ZNF28: variants seen among roughly 807,000 people sequenced by gnomAD.
The protein encoded by ZNF28 is zinc finger protein 28, also known as zinc finger protein KOX24.
ZNF28 carries 5 observed loss-of-function variants against 7.2 expected under a neutral mutation model. The ratio of observed to expected loss-of-function variants is 0.70; its 90% CI spans 0.36 to 1.46. ZNF28 has a LOEUF of 1.46. Among genes scored for constraint, ZNF28 ranks in the 40% most tolerant of loss-of-function variants. The pLI is 0.03. For missense variants in ZNF28, 879 were observed against 866.6 expected (o/e 1.01, Z -0.18); for synonymous variants, 288 against 292.4 (o/e 0.99, Z 0.15).
At chr19:52,810,096 G>C (rs1179087453) in intron 2 of ZNF28, 2 of 786,898 alleles carry the variant, frequency 2.5e-6, no homozygotes, top group Non-Finnish European at 2.2e-6. Context: ...AGGAGCCACC[G>C]GCAGCCAAGA....
intron 3 of ZNF28, among the ~76,000 whole-genome samples, chr19:52,803,851 T>C (rs1235266316): frequency 6.6e-6 from 1 of 152,052 alleles, no homozygotes; most frequent in African/African-American, 2.4e-5. Flanking sequence ...CCCAGGTACT[T>C]GGTAGTCTGA....
At position 52,800,726 on chromosome 19, in the gene ZNF28, A is replaced by G. The variant is rs73936420; in HGVS notation, c.1119T>C (p.His373=). 3.0e-3 allele frequency: 4,778 copies of G among 1,613,420 alleles called. 137 individuals carry two copies. In the African/African-American group the frequency reaches 0.057, roughly 19 times the overall value. The part of the protein sequence containing the change: ...VFNRLSTLAR[H]RRLHTGEKPY... ...GTTTCTCTCCAGTATGAAGCCTACG[A>G]TGGCGTGCAAGGGTTGACAGTCGAT... The change falls in exon 4 of 4, where the codon CAT becomes CAC. Residue 373 remains histidine (H), a synonymous_variant. Coordinates refer to ENST00000457749, the MANE Select transcript of ZNF28 (RefSeq NM_006969.5).
intron 2 of ZNF28, among the ~76,000 whole-genome samples, chr19:52,815,717 C>T (rs1181310178): frequency 2.1e-5 from 3 of 145,336 alleles, no homozygotes; most frequent in African/African-American, 5.4e-5. Flanking sequence ...CCCAGCTACT[C>T]GGGAGGCTGA....
intron 3 of ZNF28, 125 bp from the exon 4 acceptor site, chr19:52,801,827 A>C: frequency 1.1e-6 from 1 of 878,198 alleles, no homozygotes; most frequent in Non-Finnish European, 1.7e-6. Flanking sequence ...TTCAAAGTTT[A>C]AGAACACAAA....
intron 3 of ZNF28, among the ~76,000 whole-genome samples, chr19:52,803,663 T>A (rs1012867932): frequency 6.6e-6 from 1 of 152,138 alleles, no homozygotes; most frequent in Non-Finnish European, 1.5e-5. Flanking sequence ...TACAGCATTA[T>A]AAAGAATGAG....
chr19:52,811,305 G>A (rs371211338), intron 2 of ZNF28, among the ~76,000 whole-genome samples: 15,238 of 150,356 alleles, frequency 0.1, 1,143 homozygotes, highest in South Asian at 0.2. Context: ...GCCTCTGCCC[G>A]GCCGCCACCC....
intron 2 of ZNF28, among the ~76,000 whole-genome samples, chr19:52,812,767 A>T (rs1337379074): frequency 6.8e-5 from 8 of 118,260 alleles, no homozygotes; most frequent in African/African-American, 1.7e-4. Context: ...ATCAATAAAA[A>T]AAAAAAAAAA....
intron 2 of ZNF28, among the ~76,000 whole-genome samples, chr19:52,812,332 G>A (rs1423519054): frequency 7.0e-6 from 1 of 141,940 alleles, no homozygotes; most frequent in Non-Finnish European, 1.5e-5. Context: ...AAGGCGGGAA[G>A]GGTGGGGAAG....
intron 2 of ZNF28, chr19:52,810,622 C>G: frequency 6.9e-7 from 1 of 1,443,252 alleles, no homozygotes. Flanking sequence ...TTCCTGCTCT[C>G]CATTCTACAG....
In ZNF28 at chr19:52,815,574, C is replaced by T. The variant is rs561837071; in HGVS notation, c.15+2370G>A. Among the ~76,000 whole-genome samples, 9 of 146,658 alleles carry T rather than the reference C, an allele frequency of 6.1e-5. 1 individual carries two copies. The highest frequency in any genetic ancestry group is 2.3e-4 in the South Asian group (1 of 4,430). ...GCGTGGTGGCTCACGCCTGTAATCC[C>T]AGCACTTTGGGAGGCCGAGGCGGGC... is the stretch of plus-strand genomic sequence containing the variant. On this transcript the variant is annotated intron_variant, in intron 2 of 3. Transcript: ENST00000457749.
At chr19:52,802,783 C>A (rs11881761) in intron 3 of ZNF28, among the ~76,000 whole-genome samples, 1 of 144,224 alleles carries the variant, frequency 6.9e-6, no homozygotes, top group Non-Finnish European at 1.5e-5. Flanking sequence ...TTTTTTGCGA[C>A]GAAATCTTGC....
rs2062833911 is a variant in ZNF28, at chr19:52,799,497, A to C, written c.*191T>G. The C allele has an allele frequency of 1.8e-6, 2 of 1,086,550 alleles. No individual in the cohort carries two copies. Among genetic ancestry groups the C allele is most frequent in the East Asian group, 2.4e-5 (1 of 42,410 alleles). 67.3% of individuals were successfully genotyped at this position (1,086,550 alleles called of 1,614,324 possible). On this transcript the variant is annotated 3_prime_UTR_variant, in exon 4 of 4. Transcript: ENST00000457749. The stretch of plus-strand genomic sequence containing the variant: ...TGCAAGGGTTGTTTTTTGATTAAAA[A>C]CCTTGCCACATTCATTACACTTGTA...
intron 1 of ZNF28, among the ~76,000 whole-genome samples, chr19:52,820,223 T>A (rs1238909473): frequency 7.8e-6 from 1 of 128,342 alleles, no homozygotes; most frequent in Non-Finnish European, 1.6e-5. Flanking sequence ...GTTCACGCCA[T>A]TCTCCTGCCT....
In ZNF28 at chr19:52,811,348, C is replaced by T. The variant is rs1007933887; in HGVS notation, c.16-3215G>A. ...GAAGTGAGGAGCGACTCTGCCTGGC[C>T]GCCCATTGTCTGGGATGTGAGGAGC... is the stretch of plus-strand genomic sequence containing the variant. On this transcript the variant is annotated intron_variant, in intron 2 of 3. Transcript: ENST00000457749. 6.7e-5 allele frequency among the ~76,000 whole-genome samples: 10 copies of T among 148,200 alleles called. 2 individuals are homozygous for T. The highest frequency in any genetic ancestry group is 2.1e-4 in the African/African-American group (8 of 38,356).
rs2062828113 is a variant in ZNF28 at position 52,798,887 on chromosome 19, A to G, written c.*801T>C. The G allele has an allele frequency of 6.3e-6, 9 of 1,422,000 alleles. No homozygotes were observed. Among genetic ancestry groups the G allele is most frequent in the South Asian group, 2.4e-5 (2 of 82,448 alleles). 88.1% of individuals were successfully genotyped at this position (1,422,000 alleles called of 1,614,324 possible). A position where few individuals can be genotyped will look rare whatever the true frequency, so the allele number is the denominator to read the frequency against. ...TATACTATGGATTGCTTGATGGTGA[A>G]TAAGTGGTGACTGCCCACTAAAGGC... On this transcript the variant is annotated 3_prime_UTR_variant, in exon 4 of 4. Coordinates refer to ENST00000457749, the MANE Select transcript of ZNF28 (RefSeq NM_006969.5).
At chr19:52,811,032 G>C (rs886566415) in intron 2 of ZNF28, among the ~76,000 whole-genome samples, 35 of 146,420 alleles carry the variant, frequency 2.4e-4, no homozygotes, top group Non-Finnish European at 4.4e-4. Context: ...TGCGATTGCA[G>C]GCACGCGCCG....
intron 3 of ZNF28, among the ~76,000 whole-genome samples, chr19:52,804,775 G>A (rs562486600): frequency 6.6e-6 from 1 of 152,178 alleles, no homozygotes; most frequent in Non-Finnish European, 1.5e-5. Flanking sequence ...AAAGTGCTGG[G>A]ATTAGAAAAG....
chr19:52,800,273 C>T lies in ZNF28; in HGVS notation c.1572G>A (p.Met524Ile), dbSNP rs565972403. ...QRVHTGEKPYMCNECGKVFST... is the reference protein window; with the variant it reads ...QRVHTGEKPYICNECGKVFST... The stretch of plus-strand genomic sequence containing the variant: ...TAAAAACCTTGCCACATTCATTACA[C>T]ATGTATGGTTTCTCTCCAGTATGAA... Residue 524 changes from methionine to isoleucine, a missense_variant, in exon 4 of 4, where the codon ATG (methionine) becomes ATA (isoleucine). Met to Ile is a conservative substitution (Grantham distance 10, BLOSUM62 1). Around this residue, in one of 2 missense-constraint regions of ZNF28, gnomAD observed 864 missense variants for 830.2 expected, o/e 1.04. Coordinates refer to ENST00000457749, the MANE Select transcript of ZNF28 (RefSeq NM_006969.5). 9 of 1,613,430 alleles carry T rather than the reference C, an allele frequency of 5.6e-6. No homozygotes were observed. In the African/African-American group the frequency reaches 6.7e-5, roughly 12 times the overall value.
chr19:52,820,812 C>T (rs1224634884), intron 1 of ZNF28, among the ~76,000 whole-genome samples: 1 of 151,906 alleles, frequency 6.6e-6, no homozygotes, highest in Admixed American at 6.6e-5. Context: ...TGTCTCTTGG[C>T]AAATCCCTCA....
Sources: allele counts gnomAD v4.1 joint callset (sites outside exome capture counted in the v4.1 genomes callset), GRCh38; gene constraint gnomAD v4.1.1; regional missense constraint gnomAD v4.1.1; transcripts MANE v1.5; gene names NCBI Gene and HGNC (gene_info 2026-07-23, HGNC 2026-07-21).